The following PRKN variants were observed in gnomAD, a reference collection of about 807,000 sequenced individuals.
PRKN encodes the protein parkin RBR E3 ubiquitin protein ligase.
In PRKN, 56 loss-of-function variants were observed where a neutral mutation model predicts 59.5. The ratio of observed to expected loss-of-function variants is 0.94; its 90% CI spans 0.76 to 1.18. The LOEUF (loss-of-function observed/expected upper bound fraction) is 1.18, where lower values mean the gene tolerates loss of function less well. Among genes scored for constraint, PRKN ranks in the 50% most tolerant of loss-of-function variants. PRKN has a pLI of 0.00. For synonymous variants in PRKN, 250 were observed against 222.1 expected (o/e 1.13, Z -1.12); for missense variants, 657 against 596.4 (o/e 1.10, Z -1.06).
chr6:162,499,385 C>T (rs938159412), intron 1 of PRKN, among the ~76,000 whole-genome samples: 5 of 152,174 alleles, frequency 3.3e-5, no homozygotes, highest in Non-Finnish European at 7.4e-5. Context: ...TTTGTCATAG[C>T]ATTTGTCACA....
intron 6 of PRKN, among the ~76,000 whole-genome samples, chr6:161,845,312 C>G (rs560622034): frequency 6.6e-6 from 1 of 152,252 alleles, no homozygotes; most frequent in East Asian, 1.9e-4. Context: ...ACAGTGTGCC[C>G]TACAAATATC....
intron 4 of PRKN, among the ~76,000 whole-genome samples, chr6:162,143,633 T>C (rs938410822): frequency 2.6e-5 from 4 of 152,198 alleles, no homozygotes; most frequent in African/African-American, 9.7e-5. Context: ...GCAAACAAGA[T>C]ACATTTGAAG....
At chr6:162,264,783 C>T (rs1203156786) in intron 2 of PRKN, 1 of 152,176 alleles carries the variant, frequency 6.6e-6, no homozygotes, top group South Asian at 2.1e-4. Context: ...TCACCCGCTT[C>T]GAGCCTTCCC....
intron 7 of PRKN, among the ~76,000 whole-genome samples, chr6:161,624,817 T>C (rs1783028632): frequency 6.6e-6 from 1 of 152,242 alleles, no homozygotes; most frequent in Admixed American, 6.5e-5. Context: ...ATGATGCTGC[T>C]ACTAAAAACA....
rs60033094 is a variant in PRKN, at chr6:161,842,153, A to G, written c.735-56245T>C. Among the ~76,000 whole-genome samples, 1,417 of 152,202 alleles carry G rather than the reference A, an allele frequency of 9.3e-3. 30 individuals are homozygous for G. Among genetic ancestry groups the G allele is most frequent in the East Asian group, 0.076 (391 of 5,152 alleles). On this transcript the variant is annotated intron_variant, in intron 6 of 11. Transcript: ENST00000366898. ...AGCTAAAATCCCCCTTTCAAATATG[A>G]GAACATAAAGCATATAAGAGAGAAG...
intron 9 of PRKN, among the ~76,000 whole-genome samples, chr6:161,415,432 G>A (rs986466275): frequency 3.9e-5 from 6 of 152,130 alleles, no homozygotes; most frequent in African/African-American, 1.2e-4. Context: ...CAATGGCTAA[G>A]TAGTAAGCAT....
chr6:161,804,159 C>T (rs1276449416), intron 6 of PRKN, among the ~76,000 whole-genome samples: 2 of 152,298 alleles, frequency 1.3e-5, no homozygotes, highest in Non-Finnish European at 2.9e-5. Context: ...CTAACAATCA[C>T]GAATAATGAA....
intron 2 of PRKN, among the ~76,000 whole-genome samples, chr6:162,273,293 A>C (rs1266506675): frequency 6.6e-6 from 1 of 152,140 alleles, no homozygotes; most frequent in South Asian, 2.1e-4. Flanking sequence ...GTGACTATCT[A>C]CAGTTTCAGG....
intron 1 of PRKN, among the ~76,000 whole-genome samples, chr6:162,677,135 A>G: frequency 6.6e-6 from 1 of 151,860 alleles, no homozygotes; most frequent in Admixed American, 6.6e-5. Context: ...AAAACACTGG[A>G]GAACTTAAAG....
At position 162,165,759 on chromosome 6, in the gene PRKN, A is replaced by G. The variant is rs9355984; in HGVS notation, c.534+35372T>C. 6.8e-4 allele frequency among the ~76,000 whole-genome samples: 102 copies of G among 150,028 alleles called. 2 individuals are homozygous for G. In the East Asian group the frequency reaches 0.018, roughly 26 times the overall value. On this transcript the variant is annotated intron_variant, in intron 4 of 11. Coordinates refer to ENST00000366898, the MANE Select transcript of PRKN (RefSeq NM_004562.3). ...TTCCACTGCAGGACATTTACTCAAGAGAAGTGAGGCCGAGTGTGGTGGCTC... is the reference window on the plus strand; with the variant it reads ...TTCCACTGCAGGACATTTACTCAAGGGAAGTGAGGCCGAGTGTGGTGGCTC...
At chr6:161,877,617 G>T (rs1794780969) in intron 6 of PRKN, among the ~76,000 whole-genome samples, 1 of 151,724 alleles carries the variant, frequency 6.6e-6, no homozygotes, top group Non-Finnish European at 1.5e-5. Context: ...CCGCCACCAA[G>T]CCTGGCTAAT....
chr6:161,965,250 G>A (rs1203105854), intron 6 of PRKN, among the ~76,000 whole-genome samples: 1 of 152,146 alleles, frequency 6.6e-6, no homozygotes, highest in Non-Finnish European at 1.5e-5. Context: ...CAAATTTGAA[G>A]GCAATTATGA....
At chr6:161,519,521 A>G (rs1778743286) in intron 9 of PRKN, among the ~76,000 whole-genome samples, 1 of 152,234 alleles carries the variant, frequency 6.6e-6, no homozygotes, top group South Asian at 2.1e-4. Context: ...TGGATTCAGC[A>G]TGATCAGATC....
intron 2 of PRKN, among the ~76,000 whole-genome samples, chr6:162,334,296 A>G (rs547547120): frequency 1.3e-5 from 2 of 152,206 alleles, no homozygotes; most frequent in African/African-American, 4.8e-5. Context: ...TGGGACTTTC[A>G]TAGCTAGAGA....
At chr6:162,525,679 C>A (rs1207791010) in intron 1 of PRKN, among the ~76,000 whole-genome samples, 1 of 152,038 alleles carries the variant, frequency 6.6e-6, no homozygotes, top group African/African-American at 2.4e-5. Context: ...CAATTTTGTT[C>A]ACTTCATATT....
At chr6:162,035,023 C>T (rs1783786615) in intron 5 of PRKN, among the ~76,000 whole-genome samples, 2 of 152,240 alleles carry the variant, frequency 1.3e-5, no homozygotes, top group Non-Finnish European at 2.9e-5. Flanking sequence ...AAGCATGTCA[C>T]CAGCACCTGC....
intron 2 of PRKN, among the ~76,000 whole-genome samples, chr6:162,320,140 A>C (rs1782927960): frequency 6.6e-6 from 1 of 151,796 alleles, no homozygotes; most frequent in Non-Finnish European, 1.5e-5. Context: ...AAAGTACATG[A>C]TTCCATGTTT....
intron 10 of PRKN, among the ~76,000 whole-genome samples, chr6:161,368,329 T>TTG (rs1273609872): frequency 2.1e-5 from 3 of 140,070 alleles, no homozygotes; most frequent in Non-Finnish European, 3.1e-5. Context: ...TTATATATAT[T>TTG]TGTATATATA....
intron 7 of PRKN, among the ~76,000 whole-genome samples, chr6:161,706,369 T>G (rs948024230): frequency 3.3e-5 from 5 of 152,150 alleles, no homozygotes; most frequent in Non-Finnish European, 7.4e-5. Context: ...CCTCAGTGGG[T>G]CTTGTGCCCA....
Sources: gnomAD v4.1 joint callset for allele counts (sites outside exome capture counted in the v4.1 genomes callset) on GRCh38, gnomAD v4.1.1 for gene constraint, MANE v1.5 for transcripts, NCBI Gene and HGNC (gene_info 2026-07-23, HGNC 2026-07-21) for gene names.